The following TPD52 variants were observed in gnomAD, a reference collection of about 807,000 sequenced individuals.
The protein encoded by TPD52 is prostate and colon associated protein.
Under a neutral mutation model 31.3 loss-of-function variants are expected in TPD52, and 17 were observed. The observed-to-expected ratio is 0.54, with a 90% CI of 0.37 to 0.82. The LOEUF (loss-of-function observed/expected upper bound fraction) is 0.82, where lower values mean the gene tolerates loss of function less well. Among genes scored for constraint, TPD52 ranks in the 40% least tolerant of loss-of-function variants. The pLI is 0.00. For missense variants in TPD52, 212 were observed against 240.1 expected (o/e 0.88, Z 0.77); for synonymous variants, 83 against 89.6 (o/e 0.93, Z 0.42).
At chr8:80,128,917 C>A (rs1282048590) in intron 1 of TPD52, among the ~76,000 whole-genome samples, 1 of 151,220 alleles carries the variant, frequency 6.6e-6, no homozygotes, top group African/African-American at 2.4e-5. Flanking sequence ...TAGATTAGTA[C>A]CAGAATGATT....
intron 1 of TPD52, among the ~76,000 whole-genome samples, chr8:80,077,190 G>A (rs1013736328): frequency 5.3e-5 from 8 of 150,916 alleles, no homozygotes; most frequent in African/African-American, 1.7e-4. Flanking sequence ...CAGAAGAATC[G>A]CTTAAACCCG....
chr8:80,031,204 GAGAA>G (rs1259851121), downstream of TPD52, among the ~76,000 whole-genome samples: 25 of 152,328 alleles, frequency 1.6e-4, no homozygotes, highest in East Asian at 4.0e-3. Flanking sequence ...AGTACTTCGA[GAGAA>G]AGAATTTTTA....
chr8:80,137,270 G>A (rs1809501496), intron 1 of TPD52, among the ~76,000 whole-genome samples: 1 of 152,132 alleles, frequency 6.6e-6, no homozygotes, highest in Non-Finnish European at 1.5e-5. Flanking sequence ...AGATTGTGGT[G>A]ATCACTGCAC....
chr8:80,111,947 T>C (rs1047012918), intron 1 of TPD52, among the ~76,000 whole-genome samples: 1 of 152,252 alleles, frequency 6.6e-6, no homozygotes, highest in Non-Finnish European at 1.5e-5. Flanking sequence ...CAGTAAACAG[T>C]GGCATTTGTT....
rs2887724 is a variant in TPD52 at position 80,111,948 on chromosome 8, G to T, written c.20-47355C>A. The stretch of plus-strand genomic sequence containing the variant: ...ACATGCAATATGTACAGTAAACAGT[G>T]GCATTTGTTGCTAAATAAACCATTG... On this transcript the variant is annotated intron_variant, in intron 1 of 7. Transcript: ENST00000518937. Among the ~76,000 whole-genome samples the T allele has an allele frequency of 2.0e-5, 3 of 152,130 alleles. No individual in the cohort carries two copies. In the South Asian group the frequency reaches 6.2e-4, roughly 32 times the overall value.
At chr8:80,110,868 T>C (rs1488391834) in intron 1 of TPD52, among the ~76,000 whole-genome samples, 1 of 152,196 alleles carries the variant, frequency 6.6e-6, no homozygotes, top group Non-Finnish European at 1.5e-5. Context: ...GGAGTGACAC[T>C]CCCTTGTGGT....
chr8:80,080,416 T>C, intron 1 of TPD52: 1 of 1,614,212 alleles, frequency 6.2e-7, no homozygotes, highest in Non-Finnish European at 8.5e-7. Context: ...AAACGGGGAC[T>C]GGTAGTCCTC....
intron 1 of TPD52, among the ~76,000 whole-genome samples, chr8:80,153,852 C>T (rs1051992266): frequency 7.9e-5 from 12 of 152,204 alleles, no homozygotes; most frequent in Non-Finnish European, 4.4e-5. Context: ...AGATGCTTGG[C>T]GGGAGCCAGG....
intron 5 of TPD52, among the ~76,000 whole-genome samples, chr8:80,045,770 C>A (rs1323698090): frequency 1.3e-5 from 2 of 152,186 alleles, no homozygotes; most frequent in Non-Finnish European, 2.9e-5. Flanking sequence ...TTTCTTTTCT[C>A]TCCTTGAATT....
chr8:80,066,175 C>T (rs1423382169), intron 1 of TPD52, among the ~76,000 whole-genome samples: 1 of 152,084 alleles, frequency 6.6e-6, no homozygotes. Context: ...CAGCCAGCGT[C>T]GCAGCAAGCA....
chr8:80,042,394 G>C, intron 7 of TPD52: 2 of 985,418 alleles, frequency 2.0e-6, no homozygotes, highest in Non-Finnish European at 2.4e-6. Flanking sequence ...TTTGTAAATT[G>C]TACATTTCCT....
At chr8:80,087,595 C>A (rs1195127347) in intron 1 of TPD52, among the ~76,000 whole-genome samples, 1 of 152,210 alleles carries the variant, frequency 6.6e-6, no homozygotes, top group Admixed American at 6.5e-5. Context: ...ATCACGGGGG[C>A]AGGGCCTAAT....
At chr8:80,097,922 T>G (rs1806455673) in intron 1 of TPD52, among the ~76,000 whole-genome samples, 3 of 152,230 alleles carry the variant, frequency 2.0e-5, no homozygotes, top group Non-Finnish European at 4.4e-5. Flanking sequence ...ATGTAGCCAG[T>G]GACCTTAAGT....
chr8:80,130,623 C>G (rs192004182), intron 1 of TPD52, among the ~76,000 whole-genome samples: 2 of 152,226 alleles, frequency 1.3e-5, no homozygotes, highest in East Asian at 3.9e-4. Context: ...GAAATCACAA[C>G]AAGATACTAG....
chr8:80,034,419 C>A (rs1809777990), downstream of TPD52, among the ~76,000 whole-genome samples: 1 of 152,124 alleles, frequency 6.6e-6, no homozygotes, highest in Non-Finnish European at 1.5e-5. Flanking sequence ...GAGCCTGCAA[C>A]CCCCCAGCCA....
At chr8:80,087,301 C>T (rs1232365724) in intron 1 of TPD52, among the ~76,000 whole-genome samples, 1 of 152,128 alleles carries the variant, frequency 6.6e-6, no homozygotes, top group Non-Finnish European at 1.5e-5. Flanking sequence ...GCTCTCCCTC[C>T]CCCACACCTG....
intron 1 of TPD52, among the ~76,000 whole-genome samples, chr8:80,091,069 C>T (rs572978112): frequency 1.3e-5 from 2 of 152,196 alleles, no homozygotes; most frequent in Non-Finnish European, 2.9e-5. Flanking sequence ...AACCTATCTC[C>T]AAACATGTCG....
chr8:80,103,681 G>T (rs1211903841), intron 1 of TPD52, among the ~76,000 whole-genome samples: 1 of 152,180 alleles, frequency 6.6e-6, no homozygotes, highest in Non-Finnish European at 1.5e-5. Flanking sequence ...TTAGATACGT[G>T]CATTCTAACA....
chr8:80,050,380 T>A, intron 5 of TPD52, 65 bp downstream of exon 5: 2 of 1,497,180 alleles, frequency 1.3e-6, no homozygotes, highest in Non-Finnish European at 1.8e-6. Flanking sequence ...AGCATGGTAA[T>A]CTAATCTCAG....
Sources: allele counts gnomAD v4.1 joint callset (sites outside exome capture counted in the v4.1 genomes callset), GRCh38; gene constraint gnomAD v4.1.1; transcripts MANE v1.5; gene names NCBI Gene and HGNC (gene_info 2026-07-23, HGNC 2026-07-21).